SUGCT: variants seen among roughly 807,000 people sequenced by gnomAD.
SUGCT encodes the protein succinyl-CoA:glutarate-CoA transferase, also known as succinyl-CoA:glutarate CoA-transferase.
Under a neutral mutation model 55.0 loss-of-function variants are expected in SUGCT, and 41 were observed. That is an observed-to-expected ratio of 0.74 (90% CI 0.58 to 0.97). SUGCT has a LOEUF of 0.97. SUGCT is among the 50% of genes least tolerant of loss of function. The probability of loss-of-function intolerance (pLI) is 0.00; values close to 1 mark genes in which losing one functional copy is unlikely to be tolerated. For synonymous variants in SUGCT, 187 were observed against 200.4 expected, an observed-to-expected ratio of 0.93 and a Z score of 0.56; for missense variants, 568 against 547.8, an observed-to-expected ratio of 1.04 and a Z score of -0.37.
At chr7:40,894,105 A>G in the SUGCT span, among the ~76,000 whole-genome samples, 1 of 152,158 alleles carries the variant, frequency 6.6e-6, no homozygotes, top group East Asian at 1.9e-4. Flanking sequence ...CAGTAACCAA[A>G]ACAGCATGGT....
At chr7:40,205,085 C>G (rs1269752351) in intron 6 of SUGCT, among the ~76,000 whole-genome samples, 1 of 151,544 alleles carries the variant, frequency 6.6e-6, no homozygotes, top group East Asian at 2.0e-4. Context: ...GAAACCCCGT[C>G]TCTACTAAAA....
intron 1 of SUGCT, among the ~76,000 whole-genome samples, chr7:40,160,688 A>G (rs1233121712): frequency 6.6e-6 from 1 of 152,218 alleles, no homozygotes; most frequent in East Asian, 1.9e-4. Flanking sequence ...ATGTGCATGT[A>G]GAAATATGGA....
chr7:40,214,654 G>A (rs928211641), intron 6 of SUGCT, among the ~76,000 whole-genome samples: 1 of 152,110 alleles, frequency 6.6e-6, no homozygotes, highest in Non-Finnish European at 1.5e-5. Context: ...GGTGGCTCAT[G>A]CCTGTAATCC....
intron 6 of SUGCT, among the ~76,000 whole-genome samples, chr7:40,219,045 A>G (rs889287742): frequency 3.3e-5 from 5 of 152,148 alleles, no homozygotes; most frequent in Non-Finnish European, 7.3e-5. Flanking sequence ...TGTAACACTC[A>G]CCACGAAGGT....
intron 7 of SUGCT, among the ~76,000 whole-genome samples, chr7:40,257,511 A>G (rs1790890095): frequency 6.6e-6 from 1 of 152,220 alleles, no homozygotes; most frequent in Non-Finnish European, 1.5e-5. Flanking sequence ...CTTCTTTTTA[A>G]AAAGTAAACC....
At chr7:40,397,702 G>A (rs1268256844) in intron 9 of SUGCT, among the ~76,000 whole-genome samples, 3 of 152,194 alleles carry the variant, frequency 2.0e-5, no homozygotes, top group East Asian at 3.8e-4. Context: ...GAATGAAAAT[G>A]TATATAGAGA....
At chr7:40,478,141 A>G (rs1790808811) in intron 11 of SUGCT, among the ~76,000 whole-genome samples, 1 of 152,126 alleles carries the variant, frequency 6.6e-6, no homozygotes, top group Non-Finnish European at 1.5e-5. Flanking sequence ...TACAGGCATT[A>G]CAGGCATACG....
rs528837189 is a variant in SUGCT at position 40,759,831 on chromosome 7, TTTG to T, written c.1153+10346_1153+10348del. Among the ~76,000 whole-genome samples the T allele has an allele frequency of 4.9e-3, 745 of 152,196 alleles. 5 individuals carry two copies. Among genetic ancestry groups the T allele is most frequent in the Non-Finnish European group, 8.4e-3 (570 of 68,014 alleles). ...CCTATTTTGGGATTACGTGGGTTTT[TTTG>T]TTGTTGTTGTTTTTGTTTTTTTAAC... On this transcript the variant is annotated intron_variant, in intron 13 of 13. Coordinates refer to ENST00000335693, the MANE Select transcript of SUGCT (RefSeq NM_001193313.2).
intron 9 of SUGCT, among the ~76,000 whole-genome samples, chr7:40,331,770 G>A (rs1243879826): frequency 2.0e-5 from 3 of 152,158 alleles, no homozygotes; most frequent in Admixed American, 6.5e-5. Flanking sequence ...GAGCAGATTG[G>A]TAGTCTGGTA....
intron 12 of SUGCT, among the ~76,000 whole-genome samples, chr7:40,647,390 G>A (rs751173801): frequency 6.6e-6 from 1 of 152,150 alleles, no homozygotes; most frequent in Non-Finnish European, 1.5e-5. Context: ...AAGTACTACT[G>A]ATACTATCAG....
At chr7:40,326,838 T>C (rs1334872906) in intron 9 of SUGCT, among the ~76,000 whole-genome samples, 1 of 152,214 alleles carries the variant, frequency 6.6e-6, no homozygotes, top group African/African-American at 2.4e-5. Context: ...AACCTACCTT[T>C]ATAAAAAATA....
At chr7:40,471,291 C>T (rs1408768829) in intron 11 of SUGCT, among the ~76,000 whole-genome samples, 2 of 151,704 alleles carry the variant, frequency 1.3e-5, no homozygotes, top group African/African-American at 2.4e-5. Context: ...AGGTTGTTTA[C>T]TTAAATGGTT....
At chr7:40,542,393 A>T (rs1794740325) in intron 12 of SUGCT, among the ~76,000 whole-genome samples, 2 of 152,134 alleles carry the variant, frequency 1.3e-5, no homozygotes, top group African/African-American at 2.4e-5. Flanking sequence ...GGGATACCTC[A>T]CACTTTTGAA....
In SUGCT at chr7:40,363,942, G is replaced by T. The variant is rs539406240; in HGVS notation, c.816+47087G>T. Among the ~76,000 whole-genome samples, 176 of 152,242 alleles carry T rather than the reference G, an allele frequency of 1.2e-3. 1 individual carries two copies. The highest frequency in any genetic ancestry group is 4.1e-3 in the African/African-American group (169 of 41,540). ...AAAGTCTCCCGTTATTATTGTGTGG[G>T]AGTCTTAAATCTCTTTGTAGGTCAC... On this transcript the variant is annotated intron_variant, in intron 9 of 13. Transcript: ENST00000335693.
intron 8 of SUGCT, among the ~76,000 whole-genome samples, chr7:40,315,954 C>G (rs10480178): frequency 0.13 from 19,920 of 152,118 alleles, 1,716 homozygotes; most frequent in Middle Eastern, 0.21. Context: ...AATTCATTAT[C>G]TTCATATTAT....
intron 8 of SUGCT, among the ~76,000 whole-genome samples, chr7:40,299,322 A>G (rs951606701): frequency 1.3e-5 from 2 of 152,222 alleles, no homozygotes; most frequent in African/African-American, 4.8e-5. Context: ...AGCATGTGCT[A>G]CCACGTGACA....
Position 40,602,884 on chromosome 7 carries a change from G to A in SUGCT, c.1089+106498G>A, listed in dbSNP as rs137984480. 6.2e-3 allele frequency among the ~76,000 whole-genome samples: 940 copies of A among 152,234 alleles called. 9 individuals are homozygous for A. The highest frequency in any genetic ancestry group is 0.024 in the Middle Eastern group (7 of 294). ...ATTTTCCAACAGGATGACACTCTTA[G>A]GATATTCTCACTTTCTTCTAGAAAT... On this transcript the variant is annotated intron_variant, in intron 12 of 13. Coordinates refer to ENST00000335693, the MANE Select transcript of SUGCT (RefSeq NM_001193313.2).
At chr7:40,986,704 G>T in the SUGCT span, among the ~76,000 whole-genome samples, 1 of 152,152 alleles carries the variant, frequency 6.6e-6, no homozygotes, top group South Asian at 2.1e-4. Context: ...ATGGAAAGCA[G>T]AAATTCCCAG....
At position 40,587,133 on chromosome 7, in the gene SUGCT, G is replaced by A. The variant is rs368815645; in HGVS notation, c.1089+90747G>A. Among the ~76,000 whole-genome samples the A allele has an allele frequency of 3.9e-5, 6 of 152,322 alleles. No homozygotes were observed. The East Asian group carries it at 5.8e-4, about 15-fold the overall frequency. ...CAGGCTCAGGAGTTGCCAGGAGCTG[G>A]CAGTGAAAGGCAGGGATTAACTATA... is the stretch of plus-strand genomic sequence containing the variant. On this transcript the variant is annotated intron_variant, in intron 12 of 13. Transcript: ENST00000335693.
Sources: allele counts gnomAD v4.1 joint callset (sites outside exome capture counted in the v4.1 genomes callset), GRCh38; gene constraint gnomAD v4.1.1; transcripts MANE v1.5; gene names NCBI Gene and HGNC (gene_info 2026-07-23, HGNC 2026-07-21).